Variants in ZNF385D observed in about 807,000 individuals in gnomAD.
ZNF385D encodes the protein zinc finger protein 385D.
ZNF385D carries 15 observed loss-of-function variants against 35.8 expected under a neutral mutation model. The observed-to-expected ratio is 0.42, with a 90% CI of 0.28 to 0.64. The LOEUF is 0.64. Ranked by LOEUF, ZNF385D falls within the 30% of genes least tolerant of loss-of-function variation. ZNF385D has a pLI of 0.23. For missense variants in ZNF385D, 474 were observed against 494.6 expected, an observed-to-expected ratio of 0.96 and a Z score of 0.39; for synonymous variants, 212 against 186.8, an observed-to-expected ratio of 1.13 and a Z score of -1.10.
At position 21,777,356 on chromosome 3, in the gene ZNF385D, C is replaced by A. The variant is rs116297973; in HGVS notation, c.326-112328G>T. Among the ~76,000 whole-genome samples the A allele has an allele frequency of 5.3e-3, 805 of 152,024 alleles. 12 individuals carry two copies. The highest frequency in any genetic ancestry group is 0.019 in the African/African-American group (777 of 41,512). ...AGCCTTTCCTCTACTCCACATCCTC[C>A]CTAAATGCCCTCTCTCTCTACCGAG... is the stretch of plus-strand genomic sequence containing the variant. On this transcript the variant is annotated intron_variant, in intron 3 of 5. Transcript: ENST00000494108.
At chr3:22,097,046 G>C (rs1415148755) in intron 3 of ZNF385D, among the ~76,000 whole-genome samples, 3 of 152,184 alleles carry the variant, frequency 2.0e-5, no homozygotes, top group South Asian at 2.1e-4. Context: ...AGGATCTCTA[G>C]GAGAAAGTGA....
At chr3:21,850,618 T>C (rs1053567771) in intron 3 of ZNF385D, among the ~76,000 whole-genome samples, 3 of 152,094 alleles carry the variant, frequency 2.0e-5, no homozygotes, top group Non-Finnish European at 4.4e-5. Context: ...GATCAATTAA[T>C]GGAGACAGGA....
chr3:21,799,587 T>A (rs1382276056), intron 3 of ZNF385D, among the ~76,000 whole-genome samples: 1 of 152,156 alleles, frequency 6.6e-6, no homozygotes, highest in Non-Finnish European at 1.5e-5. Context: ...GAAAGGCTAT[T>A]CAAGTCTGTT....
chr3:21,501,881 A>T (rs981674975), intron 4 of ZNF385D, among the ~76,000 whole-genome samples: 1 of 152,206 alleles, frequency 6.6e-6, no homozygotes, highest in Non-Finnish European at 1.5e-5. Flanking sequence ...TTAATTTTTA[A>T]ATTTCATCCA....
At chr3:21,853,404 C>G (rs1696509424) in intron 3 of ZNF385D, among the ~76,000 whole-genome samples, 2 of 151,382 alleles carry the variant, frequency 1.3e-5, no homozygotes, top group African/African-American at 2.4e-5. Context: ...AGTCAATCCA[C>G]TTTAATATTT....
At chr3:21,997,176 G>T (rs562914740) in intron 3 of ZNF385D, among the ~76,000 whole-genome samples, 25 of 152,150 alleles carry the variant, frequency 1.6e-4, no homozygotes, top group African/African-American at 5.8e-4. Context: ...CTGTAAAAAA[G>T]GGTGAGTTCA....
intron 2 of ZNF385D, among the ~76,000 whole-genome samples, chr3:21,652,804 G>T (rs1417284581): frequency 6.6e-6 from 1 of 152,104 alleles, no homozygotes; most frequent in African/African-American, 2.4e-5. Context: ...GATATTTGCT[G>T]CTTATAAAAT....
intron 3 of ZNF385D, among the ~76,000 whole-genome samples, chr3:21,954,219 C>T (rs758510444): frequency 6.6e-6 from 1 of 151,706 alleles, no homozygotes; most frequent in Admixed American, 6.6e-5. Context: ...TAACAAGGGT[C>T]TTATAACAAT....
At chr3:21,915,709 T>C (rs189082602) in intron 3 of ZNF385D, among the ~76,000 whole-genome samples, 6 of 152,216 alleles carry the variant, frequency 3.9e-5, no homozygotes, top group African/African-American at 9.6e-5. Flanking sequence ...CAATTGCACA[T>C]AGCATTAGGA....
intron 2 of ZNF385D, among the ~76,000 whole-genome samples, chr3:22,233,040 C>G (rs1046125918): frequency 1.3e-5 from 2 of 152,070 alleles, no homozygotes; most frequent in African/African-American, 4.8e-5. Flanking sequence ...GTGGTTTTCT[C>G]TTACAAACCA....
chr3:21,954,690 T>A lies in ZNF385D; in HGVS notation c.325+214127A>T, dbSNP rs544633705. The stretch of plus-strand genomic sequence containing the variant: ...AACTGAAGGTAAAACATTATTTCTA[T>A]TTCATTTTTAAATTATCACAGTGAC... On this transcript the variant is annotated intron_variant, in intron 3 of 5. Coordinates refer to the ZNF385D transcript ENST00000494108. 2.5e-3 allele frequency among the ~76,000 whole-genome samples: 377 copies of A among 152,260 alleles called. 3 individuals are homozygous for A. Among genetic ancestry groups the A allele is most frequent in the African/African-American group, 8.3e-3 (347 of 41,558 alleles).
At chr3:21,757,033 AT>A in intron 3 of ZNF385D, among the ~76,000 whole-genome samples, 2 of 151,954 alleles carry the variant, frequency 1.3e-5, no homozygotes, top group Middle Eastern at 6.8e-3. Context: ...AAGTACTAAC[AT>A]TGTGCTAAGA....
intron 3 of ZNF385D, among the ~76,000 whole-genome samples, chr3:21,544,339 T>C (rs371190723): frequency 6.6e-6 from 1 of 152,212 alleles, no homozygotes; most frequent in Non-Finnish European, 1.5e-5. Context: ...AGGCAACTTA[T>C]CAAGTTTTCC....
rs537462648 is a variant in ZNF385D, at chr3:22,110,795, A to T, written c.325+58022T>A. Reference sequence around the variant, plus strand: ...CTAAAACTTAAAGTATAATAAAAAAAAAAAGAAAAAAATGTCAAGGAAACT... The same window carrying T: ...CTAAAACTTAAAGTATAATAAAAAATAAAAGAAAAAAATGTCAAGGAAACT... On this transcript the variant is annotated intron_variant, in intron 3 of 5. Transcript: ENST00000494108. Among the ~76,000 whole-genome samples, 57 of 152,204 alleles carry T rather than the reference A, an allele frequency of 3.7e-4. 1 individual carries two copies. The East Asian group carries it at 0.011, about 29-fold the overall frequency.
chr3:22,196,528 TTC>T (rs746771782), intron 2 of ZNF385D, among the ~76,000 whole-genome samples: 49 of 152,100 alleles, frequency 3.2e-4, no homozygotes, highest in African/African-American at 1.1e-3. Context: ...ATTGCATTTA[TTC>T]TCTGTTATCT....
intron 2 of ZNF385D, among the ~76,000 whole-genome samples, chr3:22,309,877 G>A (rs1031022541): frequency 3.9e-5 from 6 of 151,940 alleles, no homozygotes; most frequent in African/African-American, 1.4e-4. Context: ...CAGTAGGATG[G>A]AATTTTGTGT....
At chr3:21,559,637 C>T (rs1216750105) in intron 3 of ZNF385D, among the ~76,000 whole-genome samples, 1 of 152,022 alleles carries the variant, frequency 6.6e-6, no homozygotes, top group Admixed American at 6.6e-5. Flanking sequence ...GATTATGTGT[C>T]TTGGGGTTGC....
intron 3 of ZNF385D, among the ~76,000 whole-genome samples, chr3:21,962,075 G>T (rs568264764): frequency 7.2e-5 from 11 of 152,156 alleles, no homozygotes; most frequent in African/African-American, 2.4e-4. Context: ...TGGTTATATG[G>T]GTGTCTTTCA....
At chr3:21,879,615 G>A (rs548427766) in intron 3 of ZNF385D, among the ~76,000 whole-genome samples, 9 of 151,996 alleles carry the variant, frequency 5.9e-5, no homozygotes, top group African/African-American at 1.7e-4. Context: ...TTTTCTCACC[G>A]CTGTTGTAAT....
Sources: gnomAD v4.1 joint callset for allele counts (sites outside exome capture counted in the v4.1 genomes callset) on GRCh38, gnomAD v4.1.1 for gene constraint, MANE v1.5 for transcripts, NCBI Gene and HGNC (gene_info 2026-07-23, HGNC 2026-07-21) for gene names.